KBTBD11: variants seen among roughly 807,000 people sequenced by gnomAD.
KBTBD11 encodes kelch repeat and BTB domain containing 11.
For missense variants in KBTBD11, 1,390 were observed against 1,001.8 expected, an observed-to-expected ratio of 1.39 and a Z score of -5.23; for synonymous variants, 747 against 499.0, an observed-to-expected ratio of 1.50 and a Z score of -6.63.
At chr8:1,997,671 A>G (rs1353714082) in intron 1 of KBTBD11, among the ~76,000 whole-genome samples, 1 of 152,266 alleles carries the variant, frequency 6.6e-6, no homozygotes, top group African/African-American at 2.4e-5. Flanking sequence ...TCTTGGTGTC[A>G]GAAACAACAT....
intron 1 of KBTBD11, among the ~76,000 whole-genome samples, chr8:1,988,925 G>C (rs1180785383): frequency 6.6e-6 from 1 of 150,644 alleles, no homozygotes; most frequent in African/African-American, 2.5e-5. Flanking sequence ...GCAATTGTAG[G>C]ATTTATTCAG....
At chr8:1,995,337 C>T (rs964936598) in intron 1 of KBTBD11, among the ~76,000 whole-genome samples, 1 of 152,272 alleles carries the variant, frequency 6.6e-6, no homozygotes, top group Admixed American at 6.5e-5. Context: ...CCACTTTTCT[C>T]ATTCCCCAGG....
At chr8:1,999,371 G>T (rs1381722618) in intron 1 of KBTBD11, among the ~76,000 whole-genome samples, 1 of 152,144 alleles carries the variant, frequency 6.6e-6, no homozygotes, top group Non-Finnish European at 1.5e-5. Flanking sequence ...AGCTGAACAC[G>T]CATTCTGTAT....
intron 1 of KBTBD11, among the ~76,000 whole-genome samples, chr8:1,983,093 GGT>G (rs1403035455): frequency 6.6e-6 from 1 of 152,068 alleles, no homozygotes; most frequent in Non-Finnish European, 1.5e-5. Context: ...CCACATGTTG[GGT>G]GTGTGTGCCC....
rs369097218 is a variant in KBTBD11, at chr8:1,993,870, A to G, written c.-908-6415A>G. Among the ~76,000 whole-genome samples the G allele has an allele frequency of 1.1e-4, 17 of 151,720 alleles. No individual in the cohort carries two copies. In the East Asian group the frequency reaches 3.3e-3, roughly 30 times the overall value. ...AACCAGGATGGGGGTTGTCTTAGGC[A>G]TCAAGAATTGCACAGGCAAAAGCTA... On this transcript the variant is annotated intron_variant, in intron 1 of 1. Transcript: ENST00000320248.
intron 1 of KBTBD11, among the ~76,000 whole-genome samples, chr8:1,998,707 C>T (rs1261913636): frequency 6.6e-6 from 1 of 152,214 alleles, no homozygotes; most frequent in African/African-American, 2.4e-5. Flanking sequence ...AGCCAGTTCT[C>T]AGATTTTATT....
chr8:1,987,898 A>G (rs1816757658), intron 1 of KBTBD11, among the ~76,000 whole-genome samples: 1 of 151,758 alleles, frequency 6.6e-6, no homozygotes, highest in Non-Finnish European at 1.5e-5. Context: ...CCAGCCCCCG[A>G]CGGGCCCCGG....
chr8:1,977,697 TA>T (rs1252806292), intron 1 of KBTBD11, among the ~76,000 whole-genome samples: 3 of 48,724 alleles, frequency 6.2e-5, no homozygotes, highest in African/African-American at 4.4e-4. Context: ...CTTATTTATT[TA>T]TTTTTTTTTG....
chr8:1,996,709 G>A (rs527669284), intron 1 of KBTBD11, among the ~76,000 whole-genome samples: 6 of 152,078 alleles, frequency 3.9e-5, no homozygotes, highest in Non-Finnish European at 8.8e-5. Flanking sequence ...TTAAAATAGA[G>A]CATGATATTT....
chr8:1,988,127 A>G (rs1407946359), intron 1 of KBTBD11, among the ~76,000 whole-genome samples: 1 of 152,150 alleles, frequency 6.6e-6, no homozygotes, highest in African/African-American at 2.4e-5. Flanking sequence ...TATCCAGTCT[A>G]TCATTGTTGG....
intron 1 of KBTBD11, among the ~76,000 whole-genome samples, chr8:1,984,560 T>G (rs1325541840): frequency 2.0e-5 from 3 of 152,100 alleles, no homozygotes; most frequent in Admixed American, 1.3e-4. Context: ...GTGTTGGGAT[T>G]ACAGGCATGA....
chr8:1,976,952 G>C (rs1428854330), intron 1 of KBTBD11, among the ~76,000 whole-genome samples: 3 of 152,178 alleles, frequency 2.0e-5, no homozygotes, highest in African/African-American at 7.2e-5. Flanking sequence ...TTTTATGGCT[G>C]AGTTAAATTG....
intron 1 of KBTBD11, among the ~76,000 whole-genome samples, chr8:1,998,480 T>C (rs1291764949): frequency 1.3e-5 from 2 of 152,222 alleles, no homozygotes; most frequent in South Asian, 2.1e-4. Context: ...ATTTGACTGA[T>C]TGCATGACTT....
chr8:1,995,188 C>T (rs1817091956), intron 1 of KBTBD11, among the ~76,000 whole-genome samples: 2 of 151,998 alleles, frequency 1.3e-5, no homozygotes, highest in African/African-American at 4.8e-5. Context: ...GAAACTCCAC[C>T]GTGCTGTAGA....
At chr8:1,977,932 G>A (rs970060347) in intron 1 of KBTBD11, among the ~76,000 whole-genome samples, 5 of 152,132 alleles carry the variant, frequency 3.3e-5, no homozygotes, top group Admixed American at 6.5e-5. Context: ...TTCGTATCAC[G>A]ACCCTTGTTC....
At position 2,001,659 on chromosome 8, in the gene KBTBD11, C is replaced by T. The variant is rs1817365431; in HGVS notation, c.467C>T (p.Ala156Val). The change falls in exon 2 of 2, where the codon GCG becomes GTG. Residue 156 changes from alanine (A) to valine (V), a missense_variant. Transcript: ENST00000320248. ...VSGRRLRAHKAVLAARSDYFR... is the reference protein window; with the variant it reads ...VSGRRLRAHKVVLAARSDYFR... ...GGGCGCCGGCTGCGCGCGCACAAGGCGGTGCTGGCGGCGCGCAGCGACTAC... is the reference window on the plus strand; with the variant it reads ...GGGCGCCGGCTGCGCGCGCACAAGGTGGTGCTGGCGGCGCGCAGCGACTAC... The T allele has an allele frequency of 1.4e-6, 2 of 1,468,118 alleles. No individual in the cohort carries two copies. Among genetic ancestry groups the T allele is most frequent in the African/African-American group, 1.5e-5 (1 of 67,998 alleles). The allele number at this position is 1,468,118 out of a possible 1,614,324, so 90.9% of individuals were successfully genotyped here. A position where few individuals can be genotyped will look rare whatever the true frequency, so the allele number is the denominator to read the frequency against.
Position 2,001,712 on chromosome 8 carries a change from C to T in KBTBD11, c.520C>T (p.Leu174=), listed in dbSNP as rs1440166191. ...YFRARASRDV[L]RVQGVSLTAL... Reference sequence around the variant, plus strand: ...CCGCGCGCGCGCGTCGCGGGACGTGCTGCGGGTGCAGGGAGTGAGCCTGAC... The same window carrying T: ...CCGCGCGCGCGCGTCGCGGGACGTGTTGCGGGTGCAGGGAGTGAGCCTGAC... Residue 174 remains leucine (L), a synonymous_variant, in exon 2 of 2, where the codon CTG becomes TTG. Transcript: ENST00000320248. 1.4e-6 allele frequency: 2 copies of T among 1,425,408 alleles called. No individual in the cohort carries two copies. The highest frequency in any genetic ancestry group is 1.8e-6 in the Non-Finnish European group (2 of 1,094,252). The allele number at this position is 1,425,408 out of a possible 1,614,324, so 88.3% of individuals were successfully genotyped here.
In KBTBD11 at chr8:2,002,224, C is replaced by A. The variant is rs1156444187; in HGVS notation, c.1032C>A (p.Pro344=). The A allele has an allele frequency of 4.7e-6, 6 of 1,265,356 alleles. No individual in the cohort carries two copies. The African/African-American group carries it at 6.4e-5, about 13-fold the overall frequency. 78.4% of individuals were successfully genotyped at this position (1,265,356 alleles called of 1,614,324 possible). Reference sequence around the variant, plus strand: ...AGTGGCGCGAGCTGACGCGGCTGCCCGAGGGCGCGCCGGCGCGGGGCTGCG... The same window carrying A: ...AGTGGCGCGAGCTGACGCGGCTGCCAGAGGGCGCGCCGGCGCGGGGCTGCG... ...AGEWRELTRL[P]EGAPARGCGL... is the part of the protein sequence containing the mutation. Residue 344 remains proline, a synonymous_variant, in exon 2 of 2, where the codon CCC becomes CCA. Coordinates refer to ENST00000320248, the MANE Select transcript of KBTBD11 (RefSeq NM_014867.3). The surrounding 1 kb of genome is among the most constrained non-coding windows in gnomAD (Gnocchi z 4.1).
At chr8:1,987,042 A>G (rs549587338) in intron 1 of KBTBD11, among the ~76,000 whole-genome samples, 2 of 147,176 alleles carry the variant, frequency 1.4e-5, no homozygotes, top group Non-Finnish European at 3.0e-5. Context: ...AACCACGCAC[A>G]CACACACACA....
Sources: gnomAD v4.1 joint callset for allele counts (sites outside exome capture counted in the v4.1 genomes callset) on GRCh38, gnomAD v4.1.1 for gene constraint, Gnocchi (gnomAD v3.1) non-coding constraint, MANE v1.5 for transcripts, NCBI Gene and HGNC (gene_info 2026-07-23, HGNC 2026-07-21) for gene names.